The following FANCC variants were observed in gnomAD, a reference collection of about 807,000 sequenced individuals.
The protein encoded by FANCC is Fanconi anemia group C protein.
A neutral mutation model predicts 71.3 loss-of-function variants in FANCC; 55 were observed. The ratio of observed to expected loss-of-function variants is 0.77; its 90% CI spans 0.62 to 0.97. The LOEUF (loss-of-function observed/expected upper bound fraction) is 0.97. FANCC is among the 50% of genes least tolerant of loss of function. The probability of loss-of-function intolerance (pLI) is 0.00; values close to 1 mark genes in which losing one functional copy is unlikely to be tolerated. For missense variants in FANCC, 678 were observed against 670.9 expected (o/e 1.01, Z -0.12); for synonymous variants, 275 against 244.9 (o/e 1.12, Z -1.15).
intron 8 of FANCC, chr9:95,127,490 G>C (rs1007348455): frequency 1.3e-5 from 2 of 152,342 alleles, no homozygotes; most frequent in Non-Finnish European, 2.9e-5. Flanking sequence ...GGCATGCGCA[G>C]TCAGGATGGG....
At chr9:95,202,925 A>G (rs1464609338) in intron 4 of FANCC, among the ~76,000 whole-genome samples, 1 of 152,222 alleles carries the variant, frequency 6.6e-6, no homozygotes, top group African/African-American at 2.4e-5. Flanking sequence ...GAAAGATGGT[A>G]ATCTACAATG....
intron 1 of FANCC, among the ~76,000 whole-genome samples, chr9:95,280,606 AG>A (rs1423174875): frequency 1.3e-5 from 2 of 152,238 alleles, no homozygotes; most frequent in Non-Finnish European, 2.9e-5. Flanking sequence ...AAATAAATGC[AG>A]GAAGTTTCAA....
intron 4 of FANCC, among the ~76,000 whole-genome samples, chr9:95,236,031 T>C (rs1830302517): frequency 6.6e-6 from 1 of 152,088 alleles, no homozygotes; most frequent in Admixed American, 6.5e-5. Flanking sequence ...TTTTTTCTTT[T>C]TGAAAAAAGA....
intron 6 of FANCC, among the ~76,000 whole-genome samples, chr9:95,166,964 T>C (rs1825337467): frequency 6.6e-6 from 1 of 152,220 alleles, no homozygotes; most frequent in Non-Finnish European, 1.5e-5. Flanking sequence ...GGACTCCCTT[T>C]AGCAATTCTT....
intron 1 of FANCC, among the ~76,000 whole-genome samples, chr9:95,277,629 G>A (rs527412700): frequency 8.5e-5 from 13 of 152,124 alleles, no homozygotes; most frequent in Non-Finnish European, 1.5e-5. Flanking sequence ...TAGTGAAAAT[G>A]CTGAAAGTCA....
chr9:95,241,388 T>C (rs1588338651), intron 3 of FANCC, among the ~76,000 whole-genome samples: 1 of 152,062 alleles, frequency 6.6e-6, no homozygotes, highest in Admixed American at 6.5e-5. Flanking sequence ...AAACATGCAA[T>C]GAAAATCTGA....
At chr9:95,137,618 T>C (rs552353867) in intron 7 of FANCC, among the ~76,000 whole-genome samples, 1 of 152,202 alleles carries the variant, frequency 6.6e-6, no homozygotes, top group South Asian at 2.1e-4. Context: ...TTGAGGTGTG[T>C]GGATTTGGAG....
chr9:95,106,759 C>T (rs1218256255), intron 14 of FANCC, among the ~76,000 whole-genome samples: 6 of 152,292 alleles, frequency 3.9e-5, no homozygotes, highest in East Asian at 1.9e-4. Flanking sequence ...CAGCACACTG[C>T]GATGGAAAGA....
intron 1 of FANCC, among the ~76,000 whole-genome samples, chr9:95,312,581 G>A (rs1394384828): frequency 1.3e-5 from 2 of 152,218 alleles, no homozygotes; most frequent in East Asian, 1.9e-4. Flanking sequence ...CAAACTCCTA[G>A]TCTCAAGTAA....
At chr9:95,171,889 T>C in intron 5 of FANCC, 148 bp downstream of exon 5, 1 of 642,570 alleles carries the variant, frequency 1.6e-6, no homozygotes, top group Non-Finnish European at 2.8e-6. Flanking sequence ...CTTCCGTACA[T>C]GGCCATAAGT....
chr9:95,116,167 CACTA>C (rs2072401234), intron 11 of FANCC, among the ~76,000 whole-genome samples: 1 of 152,252 alleles, frequency 6.6e-6, no homozygotes, highest in African/African-American at 2.4e-5. Context: ...CAAACTGAGA[CACTA>C]ACAACTCCAG....
chr9:95,155,844 T>TA (rs1830436454), intron 6 of FANCC, among the ~76,000 whole-genome samples: 2 of 151,570 alleles, frequency 1.3e-5, no homozygotes, highest in Non-Finnish European at 2.9e-5. Context: ...TCAGCCTCCC[T>TA]AGTAGCTGGG....
At chr9:95,301,578 C>A (rs965507731) in intron 1 of FANCC, among the ~76,000 whole-genome samples, 15 of 151,928 alleles carry the variant, frequency 9.9e-5, no homozygotes, top group African/African-American at 2.2e-4. Flanking sequence ...CAGGCATGCA[C>A]CACCATGCCC....
At chr9:95,245,898 C>T (rs377200527) in intron 3 of FANCC, among the ~76,000 whole-genome samples, 1 of 116,080 alleles carries the variant, frequency 8.6e-6, no homozygotes, top group South Asian at 2.8e-4. Flanking sequence ...AACTCTGTCT[C>T]AAAAAAAAAA....
intron 10 of FANCC, chr9:95,123,940 A>T (rs1021835080): frequency 2.9e-5 from 11 of 375,138 alleles, no homozygotes; most frequent in Non-Finnish European, 4.6e-5. Flanking sequence ...GTACTTAATT[A>T]AAAAATACAA....
chr9:95,277,868 T>C (rs1489434004), intron 1 of FANCC, among the ~76,000 whole-genome samples: 1 of 152,108 alleles, frequency 6.6e-6, no homozygotes, highest in African/African-American at 2.4e-5. Context: ...GAACAAAAAC[T>C]GAATTTGTTG....
intron 10 of FANCC, among the ~76,000 whole-genome samples, chr9:95,121,667 C>T (rs1431770004): frequency 6.6e-6 from 1 of 152,290 alleles, no homozygotes; most frequent in Admixed American, 6.5e-5. Flanking sequence ...CCCACAGCCA[C>T]ACATGGCAAC....
chr9:95,311,406 A>T (rs1478625933), intron 1 of FANCC, among the ~76,000 whole-genome samples: 2 of 152,124 alleles, frequency 1.3e-5, no homozygotes, highest in Non-Finnish European at 2.9e-5. Flanking sequence ...AACAAAAAGG[A>T]ACCAGCCATA....
At chr9:95,283,448 A>C (rs1253584879) in intron 1 of FANCC, among the ~76,000 whole-genome samples, 1 of 152,240 alleles carries the variant, frequency 6.6e-6, no homozygotes, top group Non-Finnish European at 1.5e-5. Flanking sequence ...GCACAGGACC[A>C]ATAAGGCAGT....
Sources: gnomAD v4.1 joint callset for allele counts (sites outside exome capture counted in the v4.1 genomes callset) on GRCh38, gnomAD v4.1.1 for gene constraint, MANE v1.5 for transcripts, NCBI Gene and HGNC (gene_info 2026-07-23, HGNC 2026-07-21) for gene names.